ITGBL1: variants seen among roughly 807,000 people sequenced by gnomAD.
The protein encoded by ITGBL1 is integrin subunit beta like 1.
A neutral mutation model predicts 68.5 loss-of-function variants in ITGBL1; 51 were observed. The ratio of observed to expected loss-of-function variants is 0.74; its 90% CI spans 0.59 to 0.94. The LOEUF is 0.94. Ranked by LOEUF, ITGBL1 falls within the 40% of genes least tolerant of loss-of-function variation. The probability of loss-of-function intolerance (pLI) is 0.00; values close to 1 mark genes in which losing one functional copy is unlikely to be tolerated. For missense variants in ITGBL1, 649 were observed against 647.4 expected (o/e 1.00, Z -0.03); for synonymous variants, 209 against 227.3 (o/e 0.92, Z 0.72).
intron 7 of ITGBL1, among the ~76,000 whole-genome samples, chr13:101,675,940 G>A (rs760598503): frequency 1.3e-5 from 2 of 151,776 alleles, no homozygotes; most frequent in African/African-American, 4.8e-5. Context: ...GTCTACCATC[G>A]AATATCCTTA....
At chr13:101,563,764 G>A (rs1173213465) in intron 2 of ITGBL1, among the ~76,000 whole-genome samples, 1 of 151,712 alleles carries the variant, frequency 6.6e-6, no homozygotes, top group Non-Finnish European at 1.5e-5. Context: ...CCAAAAACTA[G>A]GAGATTAGAG....
intron 2 of ITGBL1, among the ~76,000 whole-genome samples, chr13:101,481,748 ATTTTCT>A (rs2048627844): frequency 6.6e-6 from 1 of 151,818 alleles, no homozygotes; most frequent in African/African-American, 2.4e-5. Context: ...AACATGCAAG[ATTTTCT>A]TTTTATTTTG....
In ITGBL1 at chr13:101,642,591, G is replaced by A. The variant is rs1296842327; in HGVS notation, c.1015+44292G>A. Among the ~76,000 whole-genome samples the A allele has an allele frequency of 4.6e-5, 7 of 152,078 alleles. No homozygotes were observed. The East Asian group carries it at 5.8e-4, about 13-fold the overall frequency. On this transcript the variant is annotated intron_variant, in intron 7 of 10. Coordinates refer to ENST00000376180, the MANE Select transcript of ITGBL1 (RefSeq NM_004791.3). ...AATTAGATGCCATTTGTCAGTTTTG[G>A]CTTTTGTTGCCATTGCTTTTGGTGT...
At chr13:101,531,548 G>A (rs1055656514) in intron 2 of ITGBL1, among the ~76,000 whole-genome samples, 9 of 149,108 alleles carry the variant, frequency 6.0e-5, no homozygotes, top group African/African-American at 2.2e-4. Flanking sequence ...ATTTGCACTC[G>A]AAAACAGGGG....
chr13:101,486,159 C>A (rs1200830826), intron 2 of ITGBL1, among the ~76,000 whole-genome samples: 1 of 152,084 alleles, frequency 6.6e-6, no homozygotes, highest in Admixed American at 6.5e-5. Context: ...TACTACTCAG[C>A]CTTGAAAAGG....
chr13:101,566,565 GT>G (rs1268677955), intron 2 of ITGBL1, among the ~76,000 whole-genome samples: 2 of 152,142 alleles, frequency 1.3e-5, no homozygotes, highest in Non-Finnish European at 2.9e-5. Context: ...ATAAAGAGCA[GT>G]TTTAAAGTCA....
At chr13:101,709,464 G>C (rs996287561) in intron 9 of ITGBL1, among the ~76,000 whole-genome samples, 1 of 150,778 alleles carries the variant, frequency 6.6e-6, no homozygotes, top group Non-Finnish European at 1.5e-5. Context: ...GAATAAAAGA[G>C]ATGTTATCAG....
intron 2 of ITGBL1, among the ~76,000 whole-genome samples, chr13:101,554,836 A>G (rs2049979792): frequency 6.6e-6 from 1 of 152,168 alleles, no homozygotes; most frequent in Non-Finnish European, 1.5e-5. Context: ...ATTTTTCTGA[A>G]TAATAGTGTC....
chr13:101,550,377 T>G (rs2049901554), intron 2 of ITGBL1, among the ~76,000 whole-genome samples: 1 of 152,158 alleles, frequency 6.6e-6, no homozygotes, highest in African/African-American at 2.4e-5. Flanking sequence ...AGGGACCCCG[T>G]ATCCTGAGGG....
Position 101,702,432 on chromosome 13 carries a change from A to C in ITGBL1, c.1133-4324A>C, listed in dbSNP as rs55644847. 7.1e-3 allele frequency among the ~76,000 whole-genome samples: 1,086 copies of C among 152,276 alleles called. 12 individuals carry two copies. Among genetic ancestry groups the C allele is most frequent in the African/African-American group, 0.024 (1,000 of 41,556 alleles). On this transcript the variant is annotated intron_variant, in intron 8 of 10. Coordinates refer to ENST00000376180, the MANE Select transcript of ITGBL1 (RefSeq NM_004791.3). ...TTATATTGCTCTTCTTTAGTGTTTT[A>C]AAGTGAAAGATTACATCACTGATTT...
chr13:101,673,924 G>A (rs1005504844), intron 7 of ITGBL1, among the ~76,000 whole-genome samples: 2 of 152,150 alleles, frequency 1.3e-5, no homozygotes, highest in Admixed American at 6.5e-5. Flanking sequence ...CCCAGAACAA[G>A]TTCATCCTGG....
At chr13:101,456,476 A>G (rs1231230966) in intron 2 of ITGBL1, among the ~76,000 whole-genome samples, 1 of 152,206 alleles carries the variant, frequency 6.6e-6, no homozygotes, top group Non-Finnish European at 1.5e-5. Flanking sequence ...CAGGTTTCCT[A>G]TGTTTATGTG....
intron 7 of ITGBL1, among the ~76,000 whole-genome samples, chr13:101,672,044 A>G (rs1217462147): frequency 2.0e-5 from 3 of 152,200 alleles, no homozygotes; most frequent in Non-Finnish European, 4.4e-5. Context: ...TGAGATTACT[A>G]TATGTTTAAT....
intron 2 of ITGBL1, among the ~76,000 whole-genome samples, chr13:101,539,536 G>C (rs1400749106): frequency 6.6e-6 from 1 of 152,032 alleles, no homozygotes; most frequent in Non-Finnish European, 1.5e-5. Context: ...CTTTATAGCA[G>C]GATGATTTAT....
At chr13:101,463,997 C>A (rs1445960587) in intron 2 of ITGBL1, among the ~76,000 whole-genome samples, 2 of 151,468 alleles carry the variant, frequency 1.3e-5, no homozygotes, top group African/African-American at 4.9e-5. Flanking sequence ...CAACCTCCAC[C>A]CCCCGGATTC....
intron 2 of ITGBL1, among the ~76,000 whole-genome samples, chr13:101,557,374 GAC>G (rs2050025003): frequency 1.3e-5 from 2 of 152,126 alleles, no homozygotes. Context: ...TGAATACATA[GAC>G]ACACATATAT....
At chr13:101,620,818 A>G (rs942768315) in intron 7 of ITGBL1, among the ~76,000 whole-genome samples, 3 of 152,180 alleles carry the variant, frequency 2.0e-5, no homozygotes, top group African/African-American at 7.2e-5. Context: ...TCAGTGCCAG[A>G]GACTCCCACC....
chr13:101,465,054 T>A (rs780778521), intron 2 of ITGBL1, among the ~76,000 whole-genome samples: 1 of 152,216 alleles, frequency 6.6e-6, no homozygotes, highest in Non-Finnish European at 1.5e-5. Context: ...ATAATTGGAT[T>A]CTTTTTTCAC....
At chr13:101,563,715 C>G (rs2050136584) in intron 2 of ITGBL1, among the ~76,000 whole-genome samples, 2 of 151,842 alleles carry the variant, frequency 1.3e-5, no homozygotes, top group Non-Finnish European at 3.0e-5. Context: ...TCTACCAAAC[C>G]CTTAAGGATA....
Sources: gnomAD v4.1 joint callset for allele counts (sites outside exome capture counted in the v4.1 genomes callset) on GRCh38, gnomAD v4.1.1 for gene constraint, MANE v1.5 for transcripts, NCBI Gene and HGNC (gene_info 2026-07-23, HGNC 2026-07-21) for gene names.